Variants in IL1RAPL1 observed in about 807,000 individuals in gnomAD.
The protein encoded by IL1RAPL1 is interleukin 1 receptor accessory protein like 1.
Under a neutral mutation model 48.4 loss-of-function variants are expected in IL1RAPL1, and 3 were observed. The observed-to-expected ratio is 0.06, with a 90% CI of 0.03 to 0.16. IL1RAPL1 has a LOEUF of 0.16. IL1RAPL1 is among the 10% of genes least tolerant of loss of function. The pLI is 1.00. For synonymous variants in IL1RAPL1, 185 were observed against 187.7 expected (o/e 0.99, Z 0.12); for missense variants, 349 against 530.6 (o/e 0.66, Z 3.36).
chrX:29,824,587 A>G (rs1930692199), intron 6 of IL1RAPL1, among the ~76,000 whole-genome samples: 2 of 112,536 alleles, frequency 1.8e-5, no homozygotes, highest in Non-Finnish European at 3.8e-5. Context: ...TTAGTCAGCT[A>G]AACATTTGAA....
chrX:29,350,191 T>TTATATATATA lies in IL1RAPL1; in HGVS notation c.363-46043_363-46034dup, dbSNP rs397897010. ...CTCCCTTGGTCTACATACTGTTATTTTATATATATATATATATATATATAT... is the reference window on the plus strand; with the variant it reads ...CTCCCTTGGTCTACATACTGTTATTTTATATATATATATATATATATATATATATATATAT... On this transcript the variant is annotated intron_variant, in intron 3 of 10. Transcript: ENST00000378993. Among the ~76,000 whole-genome samples the TTATATATATA allele has an allele frequency of 2.6e-3, 104 of 39,412 alleles. 1 individual carries two copies. The highest frequency in any genetic ancestry group is 0.02 in the Middle Eastern group (1 of 51). 34.2% of individuals were successfully genotyped at this position (39,412 alleles called of 115,157 possible).
At chrX:29,918,144 A>AAAAAAAAATATATATATATATAT (rs1555935868) in intron 7 of IL1RAPL1, among the ~76,000 whole-genome samples, 1 of 23,761 alleles carries the variant, frequency 4.2e-5, no homozygotes, top group Non-Finnish European at 6.6e-5. Context: ...AAAAAAAAAA[A>AAAAAAAAATATATATATATATAT]ATATATATAT....
chrX:29,793,932 G>A (rs996139411), intron 6 of IL1RAPL1, among the ~76,000 whole-genome samples: 2 of 111,877 alleles, frequency 1.8e-5, no homozygotes, highest in African/African-American at 3.2e-5. Flanking sequence ...TAAAATTACC[G>A]TCACCAATCT....
chrX:29,399,469 T>C (rs1321549405), intron 5 of IL1RAPL1, among the ~76,000 whole-genome samples, 161 bp downstream of exon 5: 1 of 112,343 alleles, frequency 8.9e-6, no homozygotes, highest in Non-Finnish European at 1.9e-5. Flanking sequence ...TTTTGAATCA[T>C]CTTCCACTGA....
chrX:29,787,274 G>A (rs1329805684), intron 6 of IL1RAPL1, among the ~76,000 whole-genome samples: 1 of 111,339 alleles, frequency 9.0e-6, no homozygotes. Flanking sequence ...GGAGTACTTA[G>A]AGCAAATGAG....
At chrX:28,836,373 A>ATATAT (rs1569183041) in intron 2 of IL1RAPL1, among the ~76,000 whole-genome samples, 6 of 94,038 alleles carry the variant, frequency 6.4e-5, no homozygotes, top group African/African-American at 3.1e-4. Flanking sequence ...TGACAGAGAG[A>ATATAT]GAGAGAGAGA....
At chrX:28,959,813 G>A (rs775953418) in intron 2 of IL1RAPL1, among the ~76,000 whole-genome samples, 62 of 111,842 alleles carry the variant, frequency 5.5e-4, no homozygotes, top group African/African-American at 1.8e-3. Flanking sequence ...ATTTTCTGCA[G>A]TACTAAATCT....
At chrX:29,235,501 TA>T (rs1048344945) in intron 2 of IL1RAPL1, among the ~76,000 whole-genome samples, 4 of 110,576 alleles carry the variant, frequency 3.6e-5, no homozygotes, top group South Asian at 7.7e-4. Context: ...ATTCATTCTT[TA>T]AAAAAAAGGT....
intron 6 of IL1RAPL1, among the ~76,000 whole-genome samples, chrX:29,773,072 A>G (rs1929106439): frequency 8.9e-6 from 1 of 112,333 alleles, no homozygotes; most frequent in South Asian, 3.6e-4. Flanking sequence ...AATTTAAGTA[A>G]ATATACAATT....
chrX:29,126,120 T>C (rs1484404569), intron 2 of IL1RAPL1, among the ~76,000 whole-genome samples: 1 of 111,394 alleles, frequency 9.0e-6, no homozygotes, highest in Non-Finnish European at 1.9e-5. Context: ...CTTCAAAGAA[T>C]AGCTAATTTT....
intron 3 of IL1RAPL1, among the ~76,000 whole-genome samples, chrX:29,357,360 A>G (rs755135074): frequency 1.2e-4 from 14 of 112,209 alleles, no homozygotes; most frequent in Admixed American, 1.9e-4. Context: ...TCACTTTTCT[A>G]TAAGTTATAC....
intron 3 of IL1RAPL1, among the ~76,000 whole-genome samples, chrX:29,352,570 G>T (rs1933245355): frequency 9.1e-6 from 1 of 110,182 alleles, no homozygotes; most frequent in Non-Finnish European, 1.9e-5. Flanking sequence ...TAGCTTTACT[G>T]GGTAGAGGTT....
chrX:28,715,038 C>A (rs1224637677), intron 1 of IL1RAPL1, among the ~76,000 whole-genome samples: 1 of 112,011 alleles, frequency 8.9e-6, no homozygotes, highest in Non-Finnish European at 1.9e-5. Context: ...AGCTCTGGAC[C>A]AAATGGATCT....
At chrX:29,303,661 C>T (rs781731427) in intron 3 of IL1RAPL1, among the ~76,000 whole-genome samples, 77 of 111,303 alleles carry the variant, frequency 6.9e-4, no homozygotes, top group African/African-American at 2.5e-3. Context: ...TGTCAGTAAG[C>T]CTTGTACAAA....
intron 2 of IL1RAPL1, among the ~76,000 whole-genome samples, chrX:28,963,643 C>T (rs964105571): frequency 9.0e-5 from 10 of 110,820 alleles, no homozygotes; most frequent in African/African-American, 3.3e-4. Flanking sequence ...CTTAAATATG[C>T]ATGTTTGGGT....
Position 29,587,290 on chromosome X carries a change from T to C in IL1RAPL1, c.704-81140T>C, listed in dbSNP as rs143914324. Among the ~76,000 whole-genome samples, 386 of 104,120 alleles carry C rather than the reference T, an allele frequency of 3.7e-3. 2 individuals are homozygous for C. Among genetic ancestry groups the C allele is most frequent in the African/African-American group, 0.013 (369 of 27,985 alleles). 90.4% of individuals were successfully genotyped at this position (104,120 alleles called of 115,157 possible). A position where few individuals can be genotyped will look rare whatever the true frequency, so the allele number is the denominator to read the frequency against. On this transcript the variant is annotated intron_variant, in intron 5 of 10. Transcript: ENST00000378993. ...ACTTTCCTCCTTGAAAGTTAATATT[T>C]AGTAAAATGTAGTCTGAAAGAAGGA...
At chrX:29,641,816 T>C (rs1191897741) in intron 5 of IL1RAPL1, among the ~76,000 whole-genome samples, 2 of 112,532 alleles carry the variant, frequency 1.8e-5, no homozygotes, top group Non-Finnish European at 3.7e-5. Context: ...GCAATATCTT[T>C]AGCTCTTCAG....
chrX:29,073,579 G>C (rs973493294), intron 2 of IL1RAPL1, among the ~76,000 whole-genome samples: 1 of 110,026 alleles, frequency 9.1e-6, no homozygotes, highest in Non-Finnish European at 1.9e-5. Flanking sequence ...TTCCTTCCTC[G>C]TTTCTTTATC....
At chrX:29,063,025 C>G (rs2147434463) in intron 2 of IL1RAPL1, among the ~76,000 whole-genome samples, 1 of 111,363 alleles carries the variant, frequency 9.0e-6, no homozygotes, top group African/African-American at 3.2e-5. Flanking sequence ...GTGTTAAGTA[C>G]AATTATTGAT....
Sources: gnomAD v4.1 joint callset for allele counts (sites outside exome capture counted in the v4.1 genomes callset) on GRCh38, gnomAD v4.1.1 for gene constraint, MANE v1.5 for transcripts, NCBI Gene and HGNC (gene_info 2026-07-23, HGNC 2026-07-21) for gene names.